The following VPS8 variants were observed in gnomAD, a reference collection of about 807,000 sequenced individuals.
VPS8 encodes the protein vacuolar protein sorting-associated protein 8 homolog.
In VPS8, 129 loss-of-function variants were observed where a neutral mutation model predicts 216.4. That is an observed-to-expected ratio of 0.60 (90% confidence interval 0.52 to 0.69). VPS8 has a LOEUF of 0.69. VPS8 is among the 30% of genes least tolerant of loss of function. VPS8 has a pLI of 0.00. For synonymous variants in VPS8, 571 were observed against 565.4 expected (o/e 1.01, Z -0.14); for missense variants, 1,531 against 1,683.5 (o/e 0.91, Z 1.59).
At position 184,997,336 on chromosome 3, in the gene VPS8, A is replaced by G. The variant is rs184620697; in HGVS notation, c.3836+835A>G. Among the ~76,000 whole-genome samples, 36 of 152,288 alleles carry G rather than the reference A, an allele frequency of 2.4e-4. No individual in the cohort carries two copies. In the East Asian group the frequency reaches 6.0e-3, roughly 25 times the overall value. ...TGGACAAGTTATTTAACCTCTTTAT[A>G]TCTTAGTTTCCTCATCTGTAAATAG... On this transcript the variant is annotated intron_variant, in intron 44 of 47. Transcript: ENST00000625842.
intron 1 of VPS8, among the ~76,000 whole-genome samples, chr3:184,822,869 C>T (rs999745945): frequency 6.6e-6 from 1 of 152,146 alleles, no homozygotes; most frequent in Admixed American, 6.5e-5. Context: ...AAAGAGTGGC[C>T]TCAGTTATGT....
At chr3:184,910,121 T>G (rs963704017) in intron 25 of VPS8, among the ~76,000 whole-genome samples, 3 of 145,918 alleles carry the variant, frequency 2.1e-5, no homozygotes, top group Non-Finnish European at 4.5e-5. Context: ...CTTTGCAAGA[T>G]TCTCCTATTT....
intron 45 of VPS8, among the ~76,000 whole-genome samples, chr3:185,009,624 A>G (rs1258746678): frequency 6.6e-6 from 1 of 152,138 alleles, no homozygotes; most frequent in Non-Finnish European, 1.5e-5. Context: ...GGGGTAGGGA[A>G]GGGGCAAAAT....
intron 36 of VPS8, among the ~76,000 whole-genome samples, chr3:184,955,817 T>C (rs1745491668): frequency 6.6e-6 from 1 of 152,156 alleles, no homozygotes; most frequent in African/African-American, 2.4e-5. Context: ...TAAACAATTA[T>C]GAATGCAATA....
At chr3:184,951,611 T>C (rs1744716275) in intron 36 of VPS8, among the ~76,000 whole-genome samples, 1 of 152,220 alleles carries the variant, frequency 6.6e-6, no homozygotes, top group Non-Finnish European at 1.5e-5. Context: ...AGAGTGGATA[T>C]GTGCTCCAAC....
At chr3:185,033,478 G>A (rs10470527) in intron 46 of VPS8, among the ~76,000 whole-genome samples, 13,480 of 152,218 alleles carry the variant, frequency 0.089, 637 homozygotes, top group African/African-American at 0.094. Context: ...TTATCATTGA[G>A]TGATATTCTC....
chr3:185,051,496 G>A (rs1378933998), intron 47 of VPS8, among the ~76,000 whole-genome samples: 2 of 152,112 alleles, frequency 1.3e-5, no homozygotes. Context: ...TGAGAACAGA[G>A]CTCCTCAGCC....
intron 36 of VPS8, among the ~76,000 whole-genome samples, chr3:184,949,377 C>T (rs530988338): frequency 5.3e-5 from 8 of 152,140 alleles, no homozygotes; most frequent in Non-Finnish European, 8.8e-5. Flanking sequence ...GACCAAATCC[C>T]CTACAGCCAG....
intron 46 of VPS8, among the ~76,000 whole-genome samples, chr3:185,041,156 G>A (rs541160919): frequency 2.6e-5 from 4 of 152,000 alleles, no homozygotes; most frequent in Admixed American, 6.5e-5. Context: ...AGTGAGCTGA[G>A]GTCATGCCAT....
chr3:184,830,117 T>C (rs540783701), intron 3 of VPS8, among the ~76,000 whole-genome samples: 1 of 152,312 alleles, frequency 6.6e-6, no homozygotes, highest in African/African-American at 2.4e-5. Flanking sequence ...TTCTAAAATC[T>C]TCATTGTTGT....
chr3:184,918,502 G>A (rs1738013944), intron 28 of VPS8, among the ~76,000 whole-genome samples: 1 of 152,104 alleles, frequency 6.6e-6, no homozygotes, highest in Admixed American at 6.5e-5. Flanking sequence ...CATTTTGGTG[G>A]CAGATGTTAA....
chr3:184,879,360 C>CT (rs926603256), intron 21 of VPS8, among the ~76,000 whole-genome samples: 5 of 152,096 alleles, frequency 3.3e-5, no homozygotes, highest in African/African-American at 7.2e-5. Context: ...TACTTGTTTT[C>CT]TTTTTTTTAA....
chr3:184,877,183 C>T (rs1035430392), intron 21 of VPS8, among the ~76,000 whole-genome samples: 4 of 152,286 alleles, frequency 2.6e-5, no homozygotes, highest in Middle Eastern at 3.4e-3. Flanking sequence ...ATTTTCAGGT[C>T]TCAGTGTAAT....
chr3:184,961,989 T>TGACCTCAAGAGATCCGCC (rs1238111238), intron 37 of VPS8, among the ~76,000 whole-genome samples: 27 of 152,378 alleles, frequency 1.8e-4, no homozygotes, highest in African/African-American at 6.5e-4. Flanking sequence ...CTTGAACTGC[T>TGACCTCAAGAGATCCGCC]GACCTCAAGA....
Position 184,826,164 on chromosome 3 carries a change from T to C in VPS8, c.155T>C (p.Ile52Thr). 6.2e-7 allele frequency: 1 copy of C among 1,606,106 alleles called. No individual in the cohort carries two copies. The highest frequency in any genetic ancestry group is 8.5e-7 in the Non-Finnish European group (1 of 1,176,216). The change falls in exon 3 of 48, where the codon ATT (isoleucine) becomes ACT (threonine). Residue 52 changes from isoleucine to threonine, a missense_variant and splice_region_variant. Coordinates refer to ENST00000625842, the MANE Select transcript of VPS8 (RefSeq NM_001009921.3). ...GCACTATTTTTTTTCTTTATTTAGA[T>C]TGATGACAAGGAGTTTGATATTCCT... is the stretch of plus-strand genomic sequence containing the variant. ...DKELEFKNDL[I>T]DDKEFDIPQV... is the part of the protein sequence containing the mutation.
At chr3:184,982,534 T>C (rs766312125) in intron 40 of VPS8, 32 bp from the exon 41 acceptor site, 27 of 1,534,024 alleles carry the variant, frequency 1.8e-5, no homozygotes, top group Non-Finnish European at 2.2e-5. Flanking sequence ...TTGACCACTT[T>C]TCTTTTTCTT....
At chr3:184,961,041 A>G (rs1341521294) in intron 37 of VPS8, among the ~76,000 whole-genome samples, 1 of 152,232 alleles carries the variant, frequency 6.6e-6, no homozygotes, top group African/African-American at 2.4e-5. Context: ...CTCAATAAGC[A>G]TAGAAAAAGG....
chr3:184,894,543 CAA>C (rs1560562820), intron 22 of VPS8, among the ~76,000 whole-genome samples, 158 bp from the exon 23 acceptor site: 1 of 115,902 alleles, frequency 8.6e-6, no homozygotes, highest in Non-Finnish European at 2.0e-5. Context: ...CACACACACA[CAA>C]AGTTTTTGCA....
intron 20 of VPS8, 53 bp downstream of exon 20, chr3:184,869,581 C>A: frequency 6.3e-7 from 1 of 1,576,088 alleles, no homozygotes; most frequent in South Asian, 1.1e-5. Flanking sequence ...TTGCTTTTGT[C>A]ATTTGCCAGT....
Sources: gnomAD v4.1 joint callset for allele counts (sites outside exome capture counted in the v4.1 genomes callset) on GRCh38, gnomAD v4.1.1 for gene constraint, MANE v1.5 for transcripts, NCBI Gene and HGNC (gene_info 2026-07-23, HGNC 2026-07-21) for gene names.